Variants in CALD1 observed in about 807,000 individuals in gnomAD.
CALD1 encodes the protein caldesmon.
Under a neutral mutation model 99.9 loss-of-function variants are expected in CALD1, and 33 were observed. The observed-to-expected ratio is 0.33, with a 90% CI of 0.25 to 0.44. The LOEUF (loss-of-function observed/expected upper bound fraction) is 0.44. Ranked by LOEUF, CALD1 falls within the 20% of genes least tolerant of loss-of-function variation. CALD1 has a pLI of 1.00. For synonymous variants in CALD1, 310 were observed against 325.0 expected, an observed-to-expected ratio of 0.95 and a Z score of 0.50; for missense variants, 861 against 962.1, an observed-to-expected ratio of 0.89 and a Z score of 1.39.
At chr7:134,958,365 C>A in intron 11 of CALD1, 75 bp downstream of exon 11, 4 of 1,138,386 alleles carry the variant, frequency 3.5e-6, no homozygotes, top group South Asian at 1.3e-5. Flanking sequence ...CATAAAAACA[C>A]TTAGGACAAT....
chr7:134,888,707 C>T (rs1278497602), intron 3 of CALD1, among the ~76,000 whole-genome samples: 3 of 152,202 alleles, frequency 2.0e-5, no homozygotes, highest in Admixed American at 2.0e-4. Context: ...CATGTCAGTA[C>T]CCTACCAGGT....
At chr7:134,754,999 T>TA (rs1451176002) in intron 1 of CALD1, among the ~76,000 whole-genome samples, 1 of 149,756 alleles carries the variant, frequency 6.7e-6, no homozygotes, top group African/African-American at 2.5e-5. Context: ...ATTTTACTTT[T>TA]TTTTTATTAT....
At chr7:134,806,663 T>C (rs1798150793) in intron 1 of CALD1, among the ~76,000 whole-genome samples, 2 of 152,266 alleles carry the variant, frequency 1.3e-5, no homozygotes, top group South Asian at 2.1e-4. Flanking sequence ...TCTAAAGTTA[T>C]TGATTCAGAA....
intron 1 of CALD1, among the ~76,000 whole-genome samples, chr7:134,782,250 G>A (rs1274580032): frequency 1.3e-5 from 2 of 152,164 alleles, no homozygotes; most frequent in African/African-American, 2.4e-5. Context: ...AAATGTGGTC[G>A]GGGGACAGGA....
the CALD1 span, among the ~76,000 whole-genome samples, chr7:134,726,344 G>A: frequency 6.9e-6 from 1 of 145,280 alleles, no homozygotes; most frequent in South Asian, 2.1e-4. Context: ...AATCTTAATT[G>A]ATCTTTATAT....
chr7:134,941,254 A>G lies in CALD1; in HGVS notation c.1532+17A>G, dbSNP rs28360930. On this transcript the variant is annotated intron_variant, in intron 7 of 14. Coordinates refer to ENST00000361675, the MANE Select transcript of CALD1 (RefSeq NM_033138.4). The stretch of plus-strand genomic sequence containing the variant: ...TACTTTCAGGTAAGAAGTAGCAACT[A>G]GTTAATAGAAACTGTGTTCACATGC... 2.5e-3 allele frequency: 3,874 copies of G among 1,563,998 alleles called. 87 individuals carry two copies. In the African/African-American group the frequency reaches 0.044, roughly 18 times the overall value.
chr7:134,929,644 G>GTATATATA (rs1298035690), intron 4 of CALD1, among the ~76,000 whole-genome samples: 5 of 1,804 alleles, frequency 2.8e-3, no homozygotes, highest in Admixed American at 0.014. Context: ...GTGTGTGTGT[G>GTATATATA]TGTATATATA....
chr7:134,740,957 A>C (rs1043486268), upstream of CALD1, among the ~76,000 whole-genome samples: 4 of 152,236 alleles, frequency 2.6e-5, no homozygotes, highest in African/African-American at 9.6e-5. Context: ...CAATTCTATG[A>C]AATTATTCTA....
At chr7:134,967,900 T>G (rs1006030902) in intron 14 of CALD1, among the ~76,000 whole-genome samples, 1 of 152,142 alleles carries the variant, frequency 6.6e-6, no homozygotes, top group Non-Finnish European at 1.5e-5. Flanking sequence ...TTCCAACACT[T>G]TGGGAGGCCG....
At chr7:134,808,622 A>C (rs1393464965) in intron 1 of CALD1, among the ~76,000 whole-genome samples, 1 of 152,202 alleles carries the variant, frequency 6.6e-6, no homozygotes, top group East Asian at 1.9e-4. Context: ...CCCTGTACAC[A>C]CAAGGATGGA....
intron 3 of CALD1, among the ~76,000 whole-genome samples, chr7:134,892,995 C>T (rs1802316828): frequency 1.3e-5 from 2 of 152,046 alleles, no homozygotes; most frequent in South Asian, 2.1e-4. Flanking sequence ...GAAACTGAGG[C>T]ACAGGAAGGG....
Position 134,960,638 on chromosome 7 carries a change from T to G in CALD1, c.2295+10T>G, listed in dbSNP as rs1460678844. The G allele has an allele frequency of 6.4e-7, 1 of 1,562,620 alleles. No homozygotes were observed. Among genetic ancestry groups the G allele is most frequent in the African/African-American group, 1.4e-5 (1 of 74,008 alleles). ...TGCTCCCAAACCTTCTGTAAGTACCTTTAGGTTTTTCTGAGTTTCTTTGAT... is the reference window on the plus strand; with the variant it reads ...TGCTCCCAAACCTTCTGTAAGTACCGTTAGGTTTTTCTGAGTTTCTTTGAT... On this transcript the variant is annotated intron_variant, in intron 13 of 14. Transcript: ENST00000361675.
intron 2 of CALD1, among the ~76,000 whole-genome samples, chr7:134,860,826 G>A (rs1800531333): frequency 6.6e-6 from 1 of 152,144 alleles, no homozygotes; most frequent in African/African-American, 2.4e-5. Context: ...TCTCAGGAAA[G>A]GGTATCATGA....
chr7:134,910,264 T>C (rs1167505995), intron 3 of CALD1, among the ~76,000 whole-genome samples: 2 of 152,228 alleles, frequency 1.3e-5, no homozygotes, highest in Admixed American at 1.3e-4. Context: ...CAAAATTGAA[T>C]GTAAACTGAC....
chr7:134,768,188 A>T (rs189869110), intron 1 of CALD1, among the ~76,000 whole-genome samples: 2 of 152,184 alleles, frequency 1.3e-5, no homozygotes, highest in East Asian at 3.9e-4. Context: ...AGTACCATTT[A>T]TCTCAGGAGC....
At chr7:134,919,919 T>G (rs1308113616) in intron 3 of CALD1, among the ~76,000 whole-genome samples, 1 of 152,196 alleles carries the variant, frequency 6.6e-6, no homozygotes, top group Non-Finnish European at 1.5e-5. Flanking sequence ...TGAAAAATAT[T>G]TTTATTTTCT....
chr7:134,792,315 G>A (rs1439681603), intron 1 of CALD1, among the ~76,000 whole-genome samples: 1 of 138,724 alleles, frequency 7.2e-6, no homozygotes, highest in Non-Finnish European at 1.5e-5. Context: ...TTGAGATGGA[G>A]TTTCGCTCTT....
chr7:134,928,060 A>G (rs1221836330), intron 3 of CALD1: 3 of 312,144 alleles, frequency 9.6e-6, no homozygotes, highest in Non-Finnish European at 1.3e-5. Context: ...GTCTACACAA[A>G]TAACTCATGC....
At chr7:134,722,441 G>A in the CALD1 span, among the ~76,000 whole-genome samples, 28,470 of 151,606 alleles carry the variant, frequency 0.19, 2,864 homozygotes, top group East Asian at 0.31. Context: ...TTGTTTCTGA[G>A]ATGGAATCTT....
Sources: gnomAD v4.1 joint callset for allele counts (sites outside exome capture counted in the v4.1 genomes callset) on GRCh38, gnomAD v4.1.1 for gene constraint, MANE v1.5 for transcripts, NCBI Gene and HGNC (gene_info 2026-07-23, HGNC 2026-07-21) for gene names.